SLC6A6: variants seen among roughly 807,000 people sequenced by gnomAD.
SLC6A6 encodes the protein sodium- and chloride-dependent taurine transporter.
In SLC6A6, 16 loss-of-function variants were observed where a neutral mutation model predicts 68.8. That is an observed-to-expected ratio of 0.23 (90% CI 0.16 to 0.35). SLC6A6 has a LOEUF of 0.35. Ranked by LOEUF, SLC6A6 falls within the 10% of genes least tolerant of loss-of-function variation. The probability of loss-of-function intolerance (pLI) is 1.00; values close to 1 mark genes in which losing one functional copy is unlikely to be tolerated. For missense variants in SLC6A6, 474 were observed against 802.8 expected (o/e 0.59, Z 4.95); for synonymous variants, 312 against 315.4 (o/e 0.99, Z 0.12).
chr3:14,430,041 G>T (rs1281735169), intron 2 of SLC6A6, among the ~76,000 whole-genome samples: 1 of 152,158 alleles, frequency 6.6e-6, no homozygotes, highest in African/African-American at 2.4e-5. Context: ...GGGTCTTCCA[G>T]GTGGGTGGGA....
chr3:14,468,976 A>T lies in SLC6A6; in HGVS notation c.1096+764A>T, dbSNP rs1332536531. 6.6e-6 allele frequency among the ~76,000 whole-genome samples: 1 copy of T among 152,130 alleles called. No homozygotes were observed. Among genetic ancestry groups the T allele is most frequent in the Non-Finnish European group, 1.5e-5 (1 of 68,022 alleles). On this transcript the variant is annotated intron_variant, in intron 9 of 14. Transcript: ENST00000622186. This position sits in a 1 kb window ranked among gnomAD's most constrained non-coding sequence, Gnocchi z 4.5. The stretch of plus-strand genomic sequence containing the variant: ...AAGGTGCTTCTGGAACCTGAGAATC[A>T]TGGGGCCTTCAGTTGCTAGAATCTG...
intron 9 of SLC6A6, among the ~76,000 whole-genome samples, chr3:14,471,797 TG>T (rs1223216511): frequency 6.6e-6 from 1 of 152,228 alleles, no homozygotes; most frequent in Non-Finnish European, 1.5e-5. Flanking sequence ...CAAAGGAGAC[TG>T]GGCGGTCAGG....
intron 14 of SLC6A6, among the ~76,000 whole-genome samples, chr3:14,484,233 G>C (rs1310662345): frequency 1.3e-5 from 2 of 152,168 alleles, no homozygotes; most frequent in East Asian, 3.9e-4. Context: ...ACCCTGCTCA[G>C]GAGTGATCTA....
At chr3:14,416,723 C>T (rs1699370122) in intron 2 of SLC6A6, among the ~76,000 whole-genome samples, 1 of 152,282 alleles carries the variant, frequency 6.6e-6, no homozygotes, top group East Asian at 1.9e-4. Context: ...TTTTGGAGAT[C>T]CAGCCTGTGC....
chr3:14,407,250 A>T (rs1439899902), intron 1 of SLC6A6, among the ~76,000 whole-genome samples: 3 of 151,866 alleles, frequency 2.0e-5, no homozygotes, highest in Admixed American at 6.6e-5. Flanking sequence ...AGGTTTCACC[A>T]TGTTGCCTGG....
intron 1 of SLC6A6, among the ~76,000 whole-genome samples, chr3:14,416,166 G>A (rs1381267319): frequency 3.9e-5 from 6 of 152,198 alleles, no homozygotes; most frequent in African/African-American, 9.7e-5. Flanking sequence ...ACACAGGCAA[G>A]TGTGTGGGGC....
At chr3:14,410,176 CA>C (rs145587348) in intron 1 of SLC6A6, among the ~76,000 whole-genome samples, 2,728 of 60,720 alleles carry the variant, frequency 0.045, 19 homozygotes, top group South Asian at 0.073. Context: ...GACTCCATCT[CA>C]AAAAAAAAAA....
chr3:14,436,926 G>A (rs13086679), intron 2 of SLC6A6, among the ~76,000 whole-genome samples: 38,653 of 152,022 alleles, frequency 0.25, 5,007 homozygotes, highest in South Asian at 0.32. Context: ...TTTGTCAGCC[G>A]GCTTGCAGCT....
rs921940069 is a variant in SLC6A6, at chr3:14,468,008, G to A, written c.971+52G>A. 4.4e-6 allele frequency: 7 copies of A among 1,608,896 alleles called. No individual in the cohort carries two copies. Among genetic ancestry groups the A allele is most frequent in the Non-Finnish European group, 6.0e-6 (7 of 1,175,768 alleles). ...GGACTTTAGAAATGATGATGATGAT[G>A]TTTAAAGAAAAAGAGAAGTAGGGAG... On this transcript the variant is annotated intron_variant, in intron 8 of 14. Transcript: ENST00000622186. This position sits in a 1 kb window ranked among gnomAD's most constrained non-coding sequence, Gnocchi z 4.5.
At position 14,488,903 on chromosome 3, in the gene SLC6A6, T is replaced by C. The variant is rs1380729416; in HGVS notation, c.*3896T>C. 1 of 152,608 alleles carries C rather than the reference T, an allele frequency of 6.6e-6. No individual in the cohort carries two copies. The highest frequency in any genetic ancestry group is 6.5e-5 in the Admixed American group (1 of 15,280). 9.5% of individuals were successfully genotyped at this position (152,608 alleles called of 1,614,324 possible). The stretch of plus-strand genomic sequence containing the variant: ...ATATATTTGACTTCAAATTGAGATG[T>C]TGGCTTCATTTTTTTTTTTTACCCA... On this transcript the variant is annotated 3_prime_UTR_variant, in exon 15 of 15. Transcript: ENST00000622186.
chr3:14,447,247 T>A (rs1700144732), intron 4 of SLC6A6, among the ~76,000 whole-genome samples: 1 of 151,836 alleles, frequency 6.6e-6, no homozygotes, highest in African/African-American at 2.4e-5. Context: ...CATCCATCCA[T>A]CCATCCATCC....
At chr3:14,453,591 C>T (rs1211753711) in intron 5 of SLC6A6, among the ~76,000 whole-genome samples, 1 of 152,242 alleles carries the variant, frequency 6.6e-6, no homozygotes, top group Non-Finnish European at 1.5e-5. Flanking sequence ...AGGTACCAGG[C>T]ACTGTTCAGT....
chr3:14,440,758 G>C (rs1237975259), intron 2 of SLC6A6, among the ~76,000 whole-genome samples: 1 of 152,108 alleles, frequency 6.6e-6, no homozygotes, highest in African/African-American at 2.4e-5. Context: ...GGCGGGTCTT[G>C]CTGGAATGGG....
At chr3:14,424,886 A>G (rs998989627) in intron 2 of SLC6A6, among the ~76,000 whole-genome samples, 1 of 152,132 alleles carries the variant, frequency 6.6e-6, no homozygotes, top group African/African-American at 2.4e-5. Flanking sequence ...ACACGGCGCT[A>G]TTGAAGGAAG....
chr3:14,441,470 T>G lies in SLC6A6; in HGVS notation c.-11-2154T>G, dbSNP rs574924979. On this transcript the variant is annotated intron_variant, in intron 2 of 14. Transcript: ENST00000622186. ...GCAGGGCAGAGAAAGGCGGCGCGGA[T>G]GCTCTGGCAGACAGAGGAAGGGCTC... 3.3e-5 allele frequency among the ~76,000 whole-genome samples: 5 copies of G among 152,292 alleles called. No individual in the cohort carries two copies. In the East Asian group the frequency reaches 9.7e-4, roughly 29 times the overall value.
At chr3:14,440,972 T>C (rs1218446484) in intron 2 of SLC6A6, among the ~76,000 whole-genome samples, 1 of 152,090 alleles carries the variant, frequency 6.6e-6, no homozygotes, top group African/African-American at 2.4e-5. Flanking sequence ...GGTGGGACGA[T>C]GGGGTCCTGA....
intron 10 of SLC6A6, among the ~76,000 whole-genome samples, chr3:14,473,502 T>C (rs1700801994): frequency 6.6e-6 from 1 of 152,070 alleles, no homozygotes; most frequent in Admixed American, 6.5e-5. Flanking sequence ...TTCAGAGTCA[T>C]TGTCCCAAGT....
At chr3:14,447,881 T>G in intron 5 of SLC6A6, 65 bp downstream of exon 5, 3 of 1,587,252 alleles carry the variant, frequency 1.9e-6, no homozygotes, top group Non-Finnish European at 2.6e-6. Flanking sequence ...GCCCACTTCC[T>G]TATCTCCTCC....
intron 5 of SLC6A6, among the ~76,000 whole-genome samples, chr3:14,448,571 A>G (rs1245735904): frequency 6.6e-6 from 1 of 152,334 alleles, no homozygotes; most frequent in East Asian, 1.9e-4. Context: ...CCCGAAACCC[A>G]AGTGCTTTTC....
Sources: gnomAD v4.1 joint callset for allele counts (sites outside exome capture counted in the v4.1 genomes callset) on GRCh38, gnomAD v4.1.1 for gene constraint, Gnocchi (gnomAD v3.1) non-coding constraint, MANE v1.5 for transcripts, NCBI Gene and HGNC (gene_info 2026-07-23, HGNC 2026-07-21) for gene names.